Variants in FLNB observed in about 807,000 individuals in gnomAD.
The protein encoded by FLNB is filamin-B.
Under a neutral mutation model 250.6 loss-of-function variants are expected in FLNB, and 111 were observed. That is an observed-to-expected ratio of 0.44 (90% CI 0.38 to 0.52). FLNB has a LOEUF of 0.52. FLNB is among the 20% of genes least tolerant of loss of function. The pLI, the probability that FLNB is intolerant of heterozygous loss-of-function variation, is 0.00. For missense variants in FLNB, 2,869 were observed against 3,447.8 expected, an observed-to-expected ratio of 0.83 and a Z score of 4.20; for synonymous variants, 1,302 against 1,372.1, an observed-to-expected ratio of 0.95 and a Z score of 1.13.
intron 4 of FLNB, among the ~76,000 whole-genome samples, chr3:58,090,491 A>G (rs956658960): frequency 2.0e-5 from 3 of 152,184 alleles, no homozygotes; most frequent in African/African-American, 4.8e-5. Context: ...TGTGCTATAT[A>G]TGTTTCTATG....
rs528674956 is a variant in FLNB, at chr3:58,036,192, G to A, written c.292+27336G>A. 3.3e-5 allele frequency among the ~76,000 whole-genome samples: 5 copies of A among 152,240 alleles called. No individual in the cohort carries two copies. The South Asian group carries it at 1.0e-3, about 32-fold the overall frequency. On this transcript the variant is annotated intron_variant, in intron 1 of 45. Transcript: ENST00000295956. ...TGCTCTTCGTCAGCTCTGGGGCTTTGGACCCCAGTTTTGTAACCACCTAAC... is the reference window on the plus strand; with the variant it reads ...TGCTCTTCGTCAGCTCTGGGGCTTTAGACCCCAGTTTTGTAACCACCTAAC...
At chr3:58,156,318 G>C (rs557391922) in intron 41 of FLNB, among the ~76,000 whole-genome samples, 1 of 152,234 alleles carries the variant, frequency 6.6e-6, no homozygotes, top group African/African-American at 2.4e-5. Flanking sequence ...AATGTTTGGG[G>C]ACACGTTTGT....
chr3:58,025,004 C>T (rs1265358565), intron 1 of FLNB, among the ~76,000 whole-genome samples: 2 of 128,208 alleles, frequency 1.6e-5, no homozygotes, highest in Non-Finnish European at 3.3e-5. Context: ...AGCCACTGAG[C>T]CCAGCCTTCC....
chr3:58,117,384 TG>T (rs1222978683), intron 18 of FLNB, among the ~76,000 whole-genome samples: 28 of 152,298 alleles, frequency 1.8e-4, no homozygotes, highest in African/African-American at 6.5e-4. Flanking sequence ...TTTTATGGGA[TG>T]GGTGGGCTTA....
In FLNB at chr3:58,047,821, C is replaced by G. The variant is rs151225831; in HGVS notation, c.293-29225C>G. On this transcript the variant is annotated intron_variant, in intron 1 of 45. Transcript: ENST00000295956. ...TCAAGTGATCCTCCTGCCTCAGCCT[C>G]CCAAAGTGCTAGGATTACAGGAGTG... Among the ~76,000 whole-genome samples the G allele has an allele frequency of 5.8e-3, 883 of 152,208 alleles. 6 individuals carry two copies. Among genetic ancestry groups the G allele is most frequent in the African/African-American group, 0.02 (839 of 41,520 alleles).
intron 27 of FLNB, among the ~76,000 whole-genome samples, chr3:58,135,681 G>A (rs1172865358): frequency 6.6e-6 from 1 of 152,198 alleles, no homozygotes; most frequent in Non-Finnish European, 1.5e-5. Context: ...ATGTGGTGGT[G>A]TGTGAGCAGA....
intron 1 of FLNB, among the ~76,000 whole-genome samples, chr3:58,066,426 C>G (rs1387526993): frequency 6.6e-6 from 1 of 152,074 alleles, no homozygotes; most frequent in Non-Finnish European, 1.5e-5. Context: ...ACCGTGTTCA[C>G]CAGGCTGGTC....
intron 1 of FLNB, among the ~76,000 whole-genome samples, chr3:58,029,906 C>G (rs2097128505): frequency 6.6e-6 from 1 of 152,164 alleles, no homozygotes; most frequent in African/African-American, 2.4e-5. Flanking sequence ...CCTCACTGCT[C>G]TCATCTATAA....
intron 1 of FLNB, among the ~76,000 whole-genome samples, chr3:58,040,299 A>C (rs1341801104): frequency 6.6e-6 from 1 of 151,986 alleles, no homozygotes; most frequent in African/African-American, 2.4e-5. Context: ...ACTGCAGGGG[A>C]GTGTGAGTAA....
At chr3:58,076,985 G>C in intron 1 of FLNB, 61 bp from the exon 2 acceptor site, 1 of 1,579,310 alleles carries the variant, frequency 6.3e-7, no homozygotes, top group Non-Finnish European at 8.7e-7. Flanking sequence ...ATTTATATAA[G>C]GAGCATAATT....
At chr3:58,122,673 T>A (rs1189049614) in intron 20 of FLNB, among the ~76,000 whole-genome samples, 1 of 152,202 alleles carries the variant, frequency 6.6e-6, no homozygotes, top group Non-Finnish European at 1.5e-5. Context: ...TTTATTATTA[T>A]GCAGAATTTG....
chr3:58,070,295 C>T (rs1222080805), intron 1 of FLNB, among the ~76,000 whole-genome samples: 1 of 151,954 alleles, frequency 6.6e-6, no homozygotes, highest in Non-Finnish European at 1.5e-5. Context: ...CTGCCTGCCT[C>T]GGCCTCCCAA....
At chr3:58,084,709 A>G (rs1196930030) in intron 4 of FLNB, among the ~76,000 whole-genome samples, 1 of 152,120 alleles carries the variant, frequency 6.6e-6, no homozygotes, top group Non-Finnish European at 1.5e-5. Context: ...CATCTCCAGA[A>G]CTTTTTCAAC....
chr3:58,113,567 C>T (rs1273210865), intron 18 of FLNB, among the ~76,000 whole-genome samples: 1 of 152,162 alleles, frequency 6.6e-6, no homozygotes, highest in Non-Finnish European at 1.5e-5. Context: ...TGAGAACATC[C>T]CTGCAGTGGG....
chr3:58,142,514 A>C lies in FLNB; in HGVS notation c.5182-136A>C. ...GTCTGGAGCCACTTAGACAAAGCCC[A>C]TACCACAATGGGCAGCCGCATTCCC... On this transcript the variant is annotated intron_variant, in intron 30 of 45. Coordinates refer to ENST00000295956, the MANE Select transcript of FLNB (RefSeq NM_001457.4). The surrounding 1 kb of genome is among the most constrained non-coding windows in gnomAD (Gnocchi z 4.3). 1.3e-6 allele frequency: 1 copy of C among 763,900 alleles called. No individual in the cohort carries two copies. The highest frequency in any genetic ancestry group is 2.3e-6 in the Non-Finnish European group (1 of 443,670). The allele number at this position is 763,900 out of a possible 1,614,324, so 47.3% of individuals were successfully genotyped here.
intron 43 of FLNB, among the ~76,000 whole-genome samples, chr3:58,167,245 A>C (rs1318487158): frequency 1.3e-5 from 2 of 152,228 alleles, no homozygotes; most frequent in African/African-American, 4.8e-5. Context: ...CCCAGGCCTC[A>C]GAGCTGCTGC....
intron 1 of FLNB, among the ~76,000 whole-genome samples, chr3:58,074,300 C>T (rs1370805457): frequency 6.6e-6 from 1 of 152,214 alleles, no homozygotes; most frequent in Non-Finnish European, 1.5e-5. Flanking sequence ...TCAGGTGATT[C>T]TGACACCTGC....
At chr3:58,070,881 A>G (rs2097193410) in intron 1 of FLNB, among the ~76,000 whole-genome samples, 1 of 149,620 alleles carries the variant, frequency 6.7e-6, no homozygotes, top group Non-Finnish European at 1.5e-5. Flanking sequence ...TGAACTCCTG[A>G]CCTCGTGATC....
At position 58,130,821 on chromosome 3, in the gene FLNB, G is replaced by A. The variant is rs536769087; in HGVS notation, c.4303G>A (p.Val1435Ile). Residue 1435 changes from valine (V) to isoleucine (I), a missense_variant, in exon 25 of 46, where the codon GTC becomes ATC. Physicochemically the swap from Val to Ile is conservative, Grantham distance 29. Coordinates refer to ENST00000295956, the MANE Select transcript of FLNB (RefSeq NM_001457.4). ...TGCCGGCCCCGGGCTGGGCTCAGGC[G>A]TCCGAGCCCGTGTCCTGCAGTCCTT... ...KIAGPGLGSG[V>I]RARVLQSFTV... 65 of 1,613,528 alleles carry A rather than the reference G, an allele frequency of 4.0e-5. 1 individual carries two copies. The South Asian group carries it at 4.2e-4, about 10-fold the overall frequency.
Sources: gnomAD v4.1 joint callset for allele counts (sites outside exome capture counted in the v4.1 genomes callset) on GRCh38, gnomAD v4.1.1 for gene constraint, Gnocchi (gnomAD v3.1) non-coding constraint, MANE v1.5 for transcripts, NCBI Gene and HGNC (gene_info 2026-07-23, HGNC 2026-07-21) for gene names.